Variants in ERBB3 observed in about 807,000 individuals in gnomAD.
ERBB3 encodes erb-b2 receptor tyrosine kinase 3.
A neutral mutation model predicts 156.7 loss-of-function variants in ERBB3; 96 were observed. That is an observed-to-expected ratio of 0.61 (90% confidence interval 0.52 to 0.73). The LOEUF (loss-of-function observed/expected upper bound fraction) is 0.73. Ranked by LOEUF, ERBB3 falls within the 30% of genes least tolerant of loss-of-function variation. The pLI, the probability that ERBB3 is intolerant of heterozygous loss-of-function variation, is 0.00. For missense variants in ERBB3, 1,406 were observed against 1,709.4 expected (o/e 0.82, Z 3.13); for synonymous variants, 567 against 632.0 (o/e 0.90, Z 1.54).
At position 56,083,604 on chromosome 12, in the gene ERBB3, C is replaced by T. The variant is rs555070992; in HGVS notation, c.83-147C>T. The T allele has an allele frequency of 1.6e-5, 13 of 821,702 alleles. No individual in the cohort carries two copies. In the Admixed American group the frequency reaches 1.8e-4, roughly 11 times the overall value. 50.9% of individuals were successfully genotyped at this position (821,702 alleles called of 1,614,324 possible). ...TCAGGCCACTACAGCTTCTGCCTAT[C>T]GCTTGTGGGAGGGTTGGAGGCAAAT... On this transcript the variant is annotated intron_variant, in intron 1 of 27. Transcript: ENST00000267101.
chr12:56,098,586 C>T lies in ERBB3; in HGVS notation c.2692+11C>T. On this transcript the variant is annotated intron_variant, in intron 22 of 27. Transcript: ENST00000267101. Reference sequence around the variant, plus strand: ...ATGTCTGGAGCTATGGTCAGTGCATCTGGATGCCCTCTCTACCATCACTGG... The same window carrying T: ...ATGTCTGGAGCTATGGTCAGTGCATTTGGATGCCCTCTCTACCATCACTGG... The T allele has an allele frequency of 6.2e-7, 1 of 1,610,396 alleles. No homozygotes were observed. The highest frequency in any genetic ancestry group is 8.5e-7 in the Non-Finnish European group (1 of 1,176,564).
intron 17 of ERBB3, 91 bp downstream of exon 17, chr12:56,095,897 C>T (rs1370884428): frequency 2.2e-6 from 3 of 1,366,000 alleles, no homozygotes; most frequent in Non-Finnish European, 2.1e-6. Flanking sequence ...GTACCCTGTG[C>T]ACCCAGGGGT....
At chr12:56,089,502 C>G (rs1458255857) in intron 9 of ERBB3, among the ~76,000 whole-genome samples, 1 of 152,078 alleles carries the variant, frequency 6.6e-6, no homozygotes. Flanking sequence ...AATCCCAGCA[C>G]TTTGGGAGGC....
At position 56,094,951 on chromosome 12, in the gene ERBB3, C is replaced by CA. The variant is rs11425044; in HGVS notation, c.1860-293dup. Reference sequence around the variant, plus strand: ...GGGCAACAAGAGTGAAACTCTGTCTCAAAAAAAAAAAAAGAATCACTCCCA... The same window carrying CA: ...GGGCAACAAGAGTGAAACTCTGTCTCAAAAAAAAAAAAAAGAATCACTCCCA... On this transcript the variant is annotated intron_variant, in intron 15 of 27. Coordinates refer to ENST00000267101, the MANE Select transcript of ERBB3 (RefSeq NM_001982.4). Among the ~76,000 whole-genome samples the CA allele has an allele frequency of 0.48, 66,937 of 139,612 alleles. 15,728 individuals are homozygous for CA. The highest frequency in any genetic ancestry group is 0.55 in the Non-Finnish European group (35,654 of 64,974). The allele number at this position is 139,612 out of a possible 152,430, so 91.6% of individuals were successfully genotyped here.
intron 9 of ERBB3, among the ~76,000 whole-genome samples, chr12:56,092,140 A>G (rs1025195054): frequency 1.3e-5 from 2 of 151,182 alleles, no homozygotes; most frequent in Non-Finnish European, 2.9e-5. Context: ...CTGTAATTCC[A>G]GCACTTTGGG....
rs116960611 is a variant in ERBB3 at position 56,087,550 on chromosome 12, C to G, written c.548-27C>G. ...CAAGCCTTTCTTAGCCCTGATGGCC[C>G]CTTGTGTTGCCTTCCTTCCCAACCA... On this transcript the variant is annotated intron_variant, in intron 4 of 27. Coordinates refer to ENST00000267101, the MANE Select transcript of ERBB3 (RefSeq NM_001982.4). 2.0e-3 allele frequency: 3,171 copies of G among 1,601,116 alleles called. 58 individuals carry two copies. In the East Asian group the frequency reaches 0.043, roughly 22 times the overall value.
chr12:56,089,953 TA>T (rs1868617348), intron 9 of ERBB3, among the ~76,000 whole-genome samples: 1 of 139,460 alleles, frequency 7.2e-6, no homozygotes, highest in Non-Finnish European at 1.6e-5. Flanking sequence ...ATTTTAGATC[TA>T]CACTAAAGTT....
At chr12:56,098,048 G>A (rs1234678800) in intron 21 of ERBB3, 108 bp downstream of exon 21, 2 of 1,113,052 alleles carry the variant, frequency 1.8e-6, no homozygotes, top group Non-Finnish European at 2.6e-6. Flanking sequence ...GTAAGTTCAA[G>A]GAGAGAAGGC....
chr12:56,089,168 C>CT, intron 9 of ERBB3: 1 of 474,568 alleles, frequency 2.1e-6, no homozygotes, highest in South Asian at 1.5e-5. Context: ...GGGTCTTGCT[C>CT]TGTCACCTAG....
Position 56,102,070 on chromosome 12 carries a change from G to A in ERBB3, c.*15G>A. The stretch of plus-strand genomic sequence containing the variant: ...AGAGAACGTAACTCCTGCTCCCTGT[G>A]GCACTCAGGGAGCATTTAATGGCAG... On this transcript the variant is annotated 3_prime_UTR_variant, in exon 28 of 28. Transcript: ENST00000267101. 7 of 1,603,330 alleles carry A rather than the reference G, an allele frequency of 4.4e-6. No individual in the cohort carries two copies. Among genetic ancestry groups the A allele is most frequent in the African/African-American group, 4.0e-5 (3 of 74,910 alleles).
At position 56,098,794 on chromosome 12, in the gene ERBB3, G is replaced by C; in HGVS notation, c.2728G>C (p.Glu910Gln). 6.2e-7 allele frequency: 1 copy of C among 1,614,134 alleles called. No individual in the cohort carries two copies. Among genetic ancestry groups the C allele is most frequent in the Non-Finnish European group, 8.5e-7 (1 of 1,179,960 alleles). Residue 910 changes from glutamate (E) to glutamine (Q), a missense_variant, in exon 23 of 28, where the codon GAG becomes CAG. Around this residue, in one of 3 missense-constraint regions of ERBB3, gnomAD observed 979 missense variants for 1,219.6 expected, o/e 0.80. Transcript: ENST00000267101. ...TVWELMTFGA[E>Q]PYAGLRLAEV... is the part of the protein sequence containing the mutation. ...TTGGGAGTTGATGACCTTCGGGGCA[G>C]AGCCCTATGCAGGGCTACGATTGGC...
rs888250331 is a variant in ERBB3 at position 56,093,407 on chromosome 12, T to C, written c.1337T>C (p.Leu446Pro). The change falls in exon 12 of 28, where the codon CTG becomes CCG. Residue 446 changes from leucine (L) to proline (P), a missense_variant. Leu to Pro is a moderately conservative substitution (Grantham distance 98, BLOSUM62 -3). Transcript: ENST00000267101. ...GTCACATCTCTGGGCTTCCGATCCC[T>C]GAAGGAAATTAGTGCTGGGCGTATC... ...LNVTSLGFRS[L>P]KEISAGRIYI... is the part of the protein sequence containing the mutation. The C allele has an allele frequency of 6.2e-7, 1 of 1,614,078 alleles. No individual in the cohort carries two copies. Among genetic ancestry groups the C allele is most frequent in the African/African-American group, 1.3e-5 (1 of 75,032 alleles).
At chr12:56,100,100 A>C (rs1869038978) in intron 25 of ERBB3, 71 bp downstream of exon 25, 1 of 1,592,662 alleles carries the variant, frequency 6.3e-7, no homozygotes, top group African/African-American at 1.3e-5. Context: ...ACCCAGATTA[A>C]CTACTCAAAG....
rs1868938647 is a variant in ERBB3, at chr12:56,097,810, G to A, written c.2486G>A (p.Gly829Asp). ...AKGMYYLEEH[G>D]MVHRNLAARN... ...GGAATGTACTACCTTGAGGAACATGGTATGGTGCATAGAAACCTGGCTGCC... is the reference window on the plus strand; with the variant it reads ...GGAATGTACTACCTTGAGGAACATGATATGGTGCATAGAAACCTGGCTGCC... The change falls in exon 21 of 28, where the codon GGT becomes GAT. Residue 829 changes from glycine to aspartate, a missense_variant. By Grantham distance (94) the Gly-to-Asp change is moderately conservative. Transcript: ENST00000267101. 2 of 1,613,984 alleles carry A rather than the reference G, an allele frequency of 1.2e-6. No individual in the cohort carries two copies. Among genetic ancestry groups the A allele is most frequent in the Non-Finnish European group, 1.7e-6 (2 of 1,179,984 alleles).
At chr12:56,085,471 C>T (rs1868447852) in intron 3 of ERBB3, 2 of 1,369,878 alleles carry the variant, frequency 1.5e-6, no homozygotes, top group East Asian at 2.6e-5. Flanking sequence ...GAGGCCAGGC[C>T]TGATGGCTTA....
rs1357321306 is a variant in ERBB3 at position 56,101,228 on chromosome 12, C to T, written c.3369C>T (p.Ser1123=). 1.2e-6 allele frequency: 2 copies of T among 1,613,888 alleles called. No individual in the cohort carries two copies. Among genetic ancestry groups the T allele is most frequent in the Non-Finnish European group, 1.7e-6 (2 of 1,179,918 alleles). The change falls in exon 27 of 28, where the codon AGC becomes AGT. Residue 1123 remains serine, a synonymous_variant. Transcript: ENST00000267101. ...SMCRSRSRSR[S]PRPRGDSAYH... Reference sequence around the variant, plus strand: ...GTAGGAGCCGGAGCAGGAGCCGGAGCCCACGGCCACGCGGAGATAGCGCCT... The same window carrying T: ...GTAGGAGCCGGAGCAGGAGCCGGAGTCCACGGCCACGCGGAGATAGCGCCT...
intron 25 of ERBB3, 30 bp from the exon 26 acceptor site, chr12:56,100,144 C>G (rs1869040689): frequency 1.2e-6 from 2 of 1,608,194 alleles, no homozygotes; most frequent in Admixed American, 1.7e-5. Flanking sequence ...CTCCCTTCAT[C>G]TTAACCTTTT....
In ERBB3 at chr12:56,085,355, G is replaced by C. The variant is rs1361947462; in HGVS notation, c.421+174G>C. 4 of 1,467,364 alleles carry C rather than the reference G, an allele frequency of 2.7e-6. No homozygotes were observed. In the East Asian group the frequency reaches 9.8e-5, roughly 36 times the overall value. 90.9% of individuals were successfully genotyped at this position (1,467,364 alleles called of 1,614,324 possible). A position where few individuals can be genotyped will look rare whatever the true frequency, so the allele number is the denominator to read the frequency against. On this transcript the variant is annotated intron_variant, in intron 3 of 27. Coordinates refer to ENST00000267101, the MANE Select transcript of ERBB3 (RefSeq NM_001982.4). Reference sequence around the variant, plus strand: ...AGCAATAGAGGGCCCCCAGTAGGGGGAGCTAGGGGCATCTGCTCCAGGGAA... The same window carrying C: ...AGCAATAGAGGGCCCCCAGTAGGGGCAGCTAGGGGCATCTGCTCCAGGGAA...
chr12:56,092,048 A>G (rs1312740947), intron 9 of ERBB3, among the ~76,000 whole-genome samples: 5 of 149,116 alleles, frequency 3.4e-5, no homozygotes, highest in African/African-American at 1.2e-4. Context: ...CTCTCCAGCC[A>G]GTGCACTCAC....
Sources: gnomAD v4.1 joint callset for allele counts (sites outside exome capture counted in the v4.1 genomes callset) on GRCh38, gnomAD v4.1.1 for gene constraint, gnomAD v4.1.1 regional missense constraint, MANE v1.5 for transcripts, NCBI Gene and HGNC (gene_info 2026-07-23, HGNC 2026-07-21) for gene names.